The following DOCK3 variants were observed in gnomAD, a reference collection of about 807,000 sequenced individuals.
DOCK3 encodes the protein dedicator of cytokinesis 3, also known as dedicator of cytokinesis protein 3.
In DOCK3, 60 loss-of-function variants were observed where a neutral mutation model predicts 265.6. The ratio of observed to expected loss-of-function variants is 0.23; its 90% CI spans 0.18 to 0.28. The LOEUF (loss-of-function observed/expected upper bound fraction) is 0.28, where lower values mean the gene tolerates loss of function less well. DOCK3 is among the 10% of genes least tolerant of loss of function. DOCK3 has a pLI of 1.00. For missense variants in DOCK3, 1,981 were observed against 2,594.3 expected, an observed-to-expected ratio of 0.76 and a Z score of 5.14; for synonymous variants, 881 against 938.0, an observed-to-expected ratio of 0.94 and a Z score of 1.11.
intron 1 of DOCK3, chr3:50,719,354 G>A: frequency 2.9e-6 from 1 of 340,488 alleles, no homozygotes; most frequent in Non-Finnish European, 5.3e-6. Context: ...AGGAAAATAT[G>A]GAACCCAAAG....
At chr3:50,789,185 C>T (rs2042340498) in intron 2 of DOCK3, among the ~76,000 whole-genome samples, 1 of 152,156 alleles carries the variant, frequency 6.6e-6, no homozygotes, top group African/African-American at 2.4e-5. Context: ...GATTGTGTCA[C>T]TATTATGCAG....
At chr3:50,716,543 A>C (rs1418556475) in intron 1 of DOCK3, among the ~76,000 whole-genome samples, 1 of 151,410 alleles carries the variant, frequency 6.6e-6, no homozygotes, top group Non-Finnish European at 1.5e-5. Flanking sequence ...AAAACTTAAA[A>C]GTATAATAAT....
intron 3 of DOCK3, among the ~76,000 whole-genome samples, chr3:50,851,396 G>T (rs1179277322): frequency 6.6e-6 from 1 of 152,122 alleles, no homozygotes; most frequent in Non-Finnish European, 1.5e-5. Context: ...GGGTGGGGCA[G>T]TTCAGGCGGC....
rs748461367 is a variant in DOCK3 at position 50,678,644 on chromosome 3, AT to A, written c.37+3356del. 8.5e-3 allele frequency among the ~76,000 whole-genome samples: 1,241 copies of A among 146,580 alleles called. 10 individuals are homozygous for A. Among genetic ancestry groups the A allele is most frequent in the South Asian group, 0.015 (69 of 4,652 alleles). On this transcript the variant is annotated intron_variant, in intron 1 of 52. Coordinates refer to ENST00000266037, the MANE Select transcript of DOCK3 (RefSeq NM_004947.5). ...TTTATTCTGCTGCTGTCATTAGGCA[AT>A]TTTTTTTTTTTGAGAGGTGGGGTCC...
chr3:50,748,656 A>G (rs2108290660), intron 1 of DOCK3, among the ~76,000 whole-genome samples: 1 of 152,336 alleles, frequency 6.6e-6, no homozygotes, highest in Middle Eastern at 3.4e-3. Flanking sequence ...TAGGCTTTCC[A>G]TGGCTTAGAT....
At chr3:50,760,245 G>A (rs2040442015) in intron 1 of DOCK3, among the ~76,000 whole-genome samples, 1 of 152,076 alleles carries the variant, frequency 6.6e-6, no homozygotes, top group African/African-American at 2.4e-5. Flanking sequence ...ACCACCTCTG[G>A]TTGAAAAGAC....
intron 6 of DOCK3, among the ~76,000 whole-genome samples, chr3:51,067,954 A>G (rs2081665331): frequency 6.6e-6 from 1 of 152,208 alleles, no homozygotes; most frequent in African/African-American, 2.4e-5. Flanking sequence ...ATAGTTCCAC[A>G]CTTCTTGTTC....
chr3:51,087,995 A>G (rs1375258797), intron 7 of DOCK3, among the ~76,000 whole-genome samples: 1 of 152,220 alleles, frequency 6.6e-6, no homozygotes, highest in Non-Finnish European at 1.5e-5. Context: ...TATAGAATTA[A>G]TCTAAGTGTT....
intron 12 of DOCK3, among the ~76,000 whole-genome samples, chr3:51,206,042 T>C (rs2089190394): frequency 6.6e-6 from 1 of 152,226 alleles, no homozygotes; most frequent in Non-Finnish European, 1.5e-5. Flanking sequence ...GGCACAAATA[T>C]GACCATTCAT....
At chr3:51,088,991 G>T (rs2082533349) in intron 7 of DOCK3, among the ~76,000 whole-genome samples, 1 of 152,192 alleles carries the variant, frequency 6.6e-6, no homozygotes, top group South Asian at 2.1e-4. Context: ...CTGTTAGTCA[G>T]ATCTGGAAGG....
intron 5 of DOCK3, among the ~76,000 whole-genome samples, chr3:51,029,695 C>A (rs2079969432): frequency 6.6e-6 from 1 of 152,144 alleles, no homozygotes; most frequent in East Asian, 1.9e-4. Context: ...TCCAGGGGAC[C>A]CACAACTCCC....
At chr3:51,198,978 C>T (rs1354745501) in intron 12 of DOCK3, among the ~76,000 whole-genome samples, 1 of 151,870 alleles carries the variant, frequency 6.6e-6, no homozygotes, top group African/African-American at 2.4e-5. Flanking sequence ...TGCAGTGACC[C>T]GAAGACGTGC....
chr3:51,159,066 A>G (rs537653593), intron 10 of DOCK3, among the ~76,000 whole-genome samples, 178 bp from the exon 11 acceptor site: 87 of 152,362 alleles, frequency 5.7e-4, no homozygotes, highest in Admixed American at 1.9e-3. Flanking sequence ...TTCCAAAGCC[A>G]TATAAGATAT....
At chr3:50,878,444 T>C (rs1342794063) in intron 3 of DOCK3, among the ~76,000 whole-genome samples, 2 of 152,158 alleles carry the variant, frequency 1.3e-5, no homozygotes, top group South Asian at 4.1e-4. Flanking sequence ...AATGACCTGA[T>C]GGAGCTGAAA....
intron 5 of DOCK3, among the ~76,000 whole-genome samples, chr3:51,053,776 C>T (rs2081095259): frequency 6.6e-6 from 1 of 152,130 alleles, no homozygotes; most frequent in Non-Finnish European, 1.5e-5. Context: ...GTAGCCACTT[C>T]ACATATAGTG....
At chr3:50,761,316 C>T (rs992855008) in intron 1 of DOCK3, among the ~76,000 whole-genome samples, 1 of 151,966 alleles carries the variant, frequency 6.6e-6, no homozygotes, top group Non-Finnish European at 1.5e-5. Flanking sequence ...ATTGAGATTC[C>T]ACCTGTGTCC....
At chr3:50,804,100 C>T (rs908200475) in intron 2 of DOCK3, among the ~76,000 whole-genome samples, 7 of 147,412 alleles carry the variant, frequency 4.7e-5, no homozygotes, top group African/African-American at 7.6e-5. Flanking sequence ...ACATCTCAGA[C>T]GGGGCGGCGG....
rs562564562 is a variant in DOCK3 at position 51,124,207 on chromosome 3, A to G, written c.747-22342A>G. 2.6e-5 allele frequency among the ~76,000 whole-genome samples: 4 copies of G among 152,162 alleles called. No individual in the cohort carries two copies. In the South Asian group the frequency reaches 8.3e-4, roughly 32 times the overall value. On this transcript the variant is annotated intron_variant, in intron 9 of 52. Coordinates refer to ENST00000266037, the MANE Select transcript of DOCK3 (RefSeq NM_004947.5). The stretch of plus-strand genomic sequence containing the variant: ...TTATAATGTTATACTTTGGAAATTG[A>G]TATAGTTTTCTCTAATATGAGAACG...
chr3:51,092,453 G>C (rs1385117412), intron 9 of DOCK3, among the ~76,000 whole-genome samples: 1 of 152,186 alleles, frequency 6.6e-6, no homozygotes, highest in Non-Finnish European at 1.5e-5. Context: ...GCTGTGGCCA[G>C]ACTGCCAGAT....
Sources: gnomAD v4.1 joint callset for allele counts (sites outside exome capture counted in the v4.1 genomes callset) on GRCh38, gnomAD v4.1.1 for gene constraint, MANE v1.5 for transcripts, NCBI Gene and HGNC (gene_info 2026-07-23, HGNC 2026-07-21) for gene names.